The following SYNJ2 variants were observed in gnomAD, a reference collection of about 807,000 sequenced individuals.
SYNJ2 encodes synaptojanin 2.
A neutral mutation model predicts 141.3 loss-of-function variants in SYNJ2; 116 were observed. The observed-to-expected ratio is 0.82, with a 90% CI of 0.71 to 0.96. The LOEUF is 0.96. SYNJ2 is among the 40% of genes least tolerant of loss of function. The probability of loss-of-function intolerance (pLI) is 0.00; values close to 1 mark genes in which losing one functional copy is unlikely to be tolerated. For synonymous variants in SYNJ2, 745 were observed against 777.7 expected (o/e 0.96, Z 0.70); for missense variants, 1,873 against 1,934.8 (o/e 0.97, Z 0.60).
At chr6:158,035,660 T>C (rs1305388250) in intron 4 of SYNJ2, among the ~76,000 whole-genome samples, 1 of 152,200 alleles carries the variant, frequency 6.6e-6, no homozygotes. Flanking sequence ...TCTTGCCTGA[T>C]TGCCCTGGTC....
chr6:158,017,531 C>CA, intron 2 of SYNJ2: 2 of 521,836 alleles, frequency 3.8e-6, no homozygotes, highest in Non-Finnish European at 6.7e-6. Flanking sequence ...TCTCCTGCCT[C>CA]AGCCTCCTGA....
intron 1 of SYNJ2, among the ~76,000 whole-genome samples, chr6:158,005,418 C>T (rs1338146752): frequency 6.6e-6 from 1 of 152,136 alleles, no homozygotes; most frequent in Non-Finnish European, 1.5e-5. Flanking sequence ...ACCCTTAGAA[C>T]CCATGGCCTT....
intron 20 of SYNJ2, among the ~76,000 whole-genome samples, chr6:158,081,987 G>A (rs1365652397): frequency 1.3e-5 from 2 of 152,150 alleles, no homozygotes; most frequent in East Asian, 1.9e-4. Context: ...CGCCATATGC[G>A]GGAGGGAGTT....
At position 158,017,452 on chromosome 6, in the gene SYNJ2, T is replaced by C. The variant is rs946527966; in HGVS notation, c.214+162T>C. The stretch of plus-strand genomic sequence containing the variant: ...TCTCCGAGATAGAGTTTTGCTCTTG[T>C]TGCCCAGGCTGCAGTGCAATGGCGC... On this transcript the variant is annotated intron_variant, in intron 2 of 26. Transcript: ENST00000355585. 4 of 1,069,396 alleles carry C rather than the reference T, an allele frequency of 3.7e-6. No homozygotes were observed. The Admixed American group carries it at 1.2e-4, about 33-fold the overall frequency. The allele number at this position is 1,069,396 out of a possible 1,614,324, so 66.2% of individuals were successfully genotyped here.
chr6:158,064,851 G>A lies in SYNJ2; in HGVS notation c.1385G>A (p.Arg462Gln), dbSNP rs199932988. The A allele has an allele frequency of 1.3e-5, 21 of 1,610,706 alleles. No individual in the cohort carries two copies. The highest frequency in any genetic ancestry group is 8.9e-5 in the East Asian group (4 of 44,776). ...GTGGGGAAGCTGAAGGATGGAGCCCGGTCCATGTCTCGAACCATCCAGTCC... is the reference window on the plus strand; with the variant it reads ...GTGGGGAAGCTGAAGGATGGAGCCCAGTCCATGTCTCGAACCATCCAGTCC... Reference protein sequence around the residue: ...AKVGKLKDGARSMSRTIQSNF... With the variant: ...AKVGKLKDGAQSMSRTIQSNF... The change falls in exon 11 of 27, where the codon CGG (arginine) becomes CAG (glutamine). Residue 462 changes from arginine (R) to glutamine (Q), a missense_variant. Transcript: ENST00000355585.
intron 1 of SYNJ2, among the ~76,000 whole-genome samples, chr6:157,986,147 C>G (rs961254425): frequency 2.0e-5 from 3 of 152,274 alleles, no homozygotes; most frequent in Admixed American, 2.0e-4. Context: ...ATAAATGCTC[C>G]TGGACAAAGT....
intron 2 of SYNJ2, among the ~76,000 whole-genome samples, chr6:158,026,222 C>T (rs59603776): frequency 0.034 from 5,226 of 152,266 alleles, 282 homozygotes; most frequent in African/African-American, 0.11. Context: ...AGGCTGGCGA[C>T]GTCATCTGCA....
intron 1 of SYNJ2, among the ~76,000 whole-genome samples, chr6:157,999,764 C>T (rs1052368548): frequency 2.0e-5 from 3 of 152,162 alleles, no homozygotes; most frequent in African/African-American, 7.2e-5. Flanking sequence ...GGGCAGGCAT[C>T]CCGGGCAGGT....
intron 2 of SYNJ2, among the ~76,000 whole-genome samples, chr6:158,025,512 C>T (rs952570470): frequency 6.6e-6 from 1 of 151,632 alleles, no homozygotes; most frequent in Admixed American, 6.6e-5. Flanking sequence ...CCCATCTCTA[C>T]CAAAAATACA....
At chr6:158,008,595 G>A (rs1277187032) in intron 1 of SYNJ2, among the ~76,000 whole-genome samples, 1 of 152,200 alleles carries the variant, frequency 6.6e-6, no homozygotes, top group Non-Finnish European at 1.5e-5. Flanking sequence ...GCTGGGAGAA[G>A]GTGGAGTTGG....
chr6:157,993,277 G>C (rs528955496), intron 1 of SYNJ2, among the ~76,000 whole-genome samples: 1 of 152,124 alleles, frequency 6.6e-6, no homozygotes, highest in Non-Finnish European at 1.5e-5. Flanking sequence ...TTTTTCTGAC[G>C]ATCAGTGATG....
Position 158,083,668 on chromosome 6 carries a change from T to G in SYNJ2, c.3034+71T>G, listed in dbSNP as rs1430184756. ...ACAGGCCTGAGCTTTTAAGGACACC[T>G]TCTAAAGCCTCCCTTGCAGAAGTGA... On this transcript the variant is annotated intron_variant, in intron 21 of 26. Transcript: ENST00000355585. 17 of 1,580,814 alleles carry G rather than the reference T, an allele frequency of 1.1e-5. No individual in the cohort carries two copies. In the East Asian group the frequency reaches 3.8e-4, roughly 35 times the overall value.
chr6:158,043,220 G>A lies in SYNJ2; in HGVS notation c.712-96G>A. On this transcript the variant is annotated intron_variant, in intron 4 of 26. Transcript: ENST00000355585. This position sits in a 1 kb window ranked among gnomAD's most constrained non-coding sequence, Gnocchi z 4.0. Reference sequence around the variant, plus strand: ...CCACCGTCCGCCCTTCATTCTGGCTGGTGTCGGGTCACAGGTGGCCGGATC... The same window carrying A: ...CCACCGTCCGCCCTTCATTCTGGCTAGTGTCGGGTCACAGGTGGCCGGATC... 9.6e-7 allele frequency: 1 copy of A among 1,043,398 alleles called. No individual in the cohort carries two copies. Among genetic ancestry groups the A allele is most frequent in the Non-Finnish European group, 1.5e-6 (1 of 684,458 alleles). The allele number at this position is 1,043,398 out of a possible 1,614,324, so 64.6% of individuals were successfully genotyped here. A position where few individuals can be genotyped will look rare whatever the true frequency, so the allele number is the denominator to read the frequency against.
At chr6:158,050,069 G>T (rs1040829519) in intron 5 of SYNJ2, among the ~76,000 whole-genome samples, 1 of 152,170 alleles carries the variant, frequency 6.6e-6, no homozygotes, top group Admixed American at 6.5e-5. Context: ...TACAGGTGTG[G>T]ATGCACCTCT....
chr6:158,033,684 A>G lies in SYNJ2; in HGVS notation c.711+4A>G, dbSNP rs1228470172. The stretch of plus-strand genomic sequence containing the variant: ...CAACTTCGTGGAGACAGAGCAGGTG[A>G]GTGCCCAGGCCCATCTGTGGCACCA... On this transcript the variant is annotated splice_donor_region_variant and intron_variant, in intron 4 of 26. Transcript: ENST00000355585. The G allele has an allele frequency of 6.2e-7, 1 of 1,602,272 alleles. No homozygotes were observed. Among genetic ancestry groups the G allele is most frequent in the East Asian group, 2.2e-5 (1 of 44,670 alleles).
intron 1 of SYNJ2, among the ~76,000 whole-genome samples, chr6:158,005,266 A>G (rs1462128026): frequency 1.3e-5 from 2 of 151,926 alleles, no homozygotes; most frequent in East Asian, 1.9e-4. Flanking sequence ...TTTAATAGAG[A>G]TGGGGTTTCA....
At chr6:157,998,936 G>C (rs760159372) in intron 1 of SYNJ2, among the ~76,000 whole-genome samples, 1 of 152,086 alleles carries the variant, frequency 6.6e-6, no homozygotes, top group Non-Finnish European at 1.5e-5. Context: ...TGATAGATTT[G>C]ACTACATAAA....
intron 15 of SYNJ2, among the ~76,000 whole-genome samples, chr6:158,072,235 T>G (rs1781978630): frequency 6.6e-6 from 1 of 152,324 alleles, no homozygotes; most frequent in Non-Finnish European, 1.5e-5. Flanking sequence ...AAGCACACCC[T>G]TTTGACCAAT....
intron 15 of SYNJ2, among the ~76,000 whole-genome samples, chr6:158,074,371 A>T (rs1304642634): frequency 6.6e-6 from 1 of 152,148 alleles, no homozygotes; most frequent in East Asian, 1.9e-4. Flanking sequence ...AAACACTATT[A>T]TTTAAAATTA....
Sources: allele counts gnomAD v4.1 joint callset (sites outside exome capture counted in the v4.1 genomes callset), GRCh38; gene constraint gnomAD v4.1.1; non-coding constraint Gnocchi (gnomAD v3.1); transcripts MANE v1.5; gene names NCBI Gene and HGNC (gene_info 2026-07-23, HGNC 2026-07-21).